The following TENT4A variants were observed in gnomAD, a reference collection of about 807,000 sequenced individuals.
The protein encoded by TENT4A is terminal nucleotidyltransferase 4A, also known as DNA polymerase kappa.
In TENT4A, 7 loss-of-function variants were observed where a neutral mutation model predicts 72.8. The ratio of observed to expected loss-of-function variants is 0.10; its 90% confidence interval spans 0.05 to 0.18. TENT4A has a LOEUF of 0.18. TENT4A is among the 10% of genes least tolerant of loss of function. The pLI is 1.00. For missense variants in TENT4A, 831 were observed against 1,017.7 expected (o/e 0.82, Z 2.50); for synonymous variants, 456 against 434.3 (o/e 1.05, Z -0.62).
chr5:6,754,375 G>A (rs550764122), intron 12 of TENT4A, among the ~76,000 whole-genome samples: 85 of 152,262 alleles, frequency 5.6e-4, no homozygotes, highest in African/African-American at 1.9e-3. Flanking sequence ...CACCATGTTG[G>A]TCAGGCTGGT....
chr5:6,721,231 T>A (rs1408629214), intron 1 of TENT4A, among the ~76,000 whole-genome samples: 1 of 152,176 alleles, frequency 6.6e-6, no homozygotes, highest in Non-Finnish European at 1.5e-5. Flanking sequence ...ATCTGCCAAC[T>A]CAGGAGAGCA....
At position 6,756,844 on chromosome 5, in the gene TENT4A, A is replaced by G. The variant is rs1476578727; in HGVS notation, c.*1899A>G. The G allele has an allele frequency of 1.3e-5, 2 of 152,578 alleles. No individual in the cohort carries two copies. The highest frequency in any genetic ancestry group is 2.9e-5 in the Non-Finnish European group (2 of 68,026). 9.5% of individuals were successfully genotyped at this position (152,578 alleles called of 1,614,324 possible). A position where few individuals can be genotyped will look rare whatever the true frequency, so the allele number is the denominator to read the frequency against. On this transcript the variant is annotated 3_prime_UTR_variant, in exon 13 of 13. Transcript: ENST00000230859. ...GTGCATTTTAAAACTCGATTCATAGACACAGGTACCATGTTCCATTTCCGT... is the reference window on the plus strand; with the variant it reads ...GTGCATTTTAAAACTCGATTCATAGGCACAGGTACCATGTTCCATTTCCGT...
At chr5:6,714,809 G>A in intron 1 of TENT4A, 110 bp downstream of exon 1, 1 of 495,786 alleles carries the variant, frequency 2.0e-6, no homozygotes, top group Non-Finnish European at 3.0e-6. Flanking sequence ...GATGGATGTT[G>A]AAGGCTAAGG....
intron 11 of TENT4A, 38 bp downstream of exon 11, chr5:6,751,235 C>T (rs929553633): frequency 6.2e-7 from 1 of 1,608,448 alleles, no homozygotes; most frequent in Non-Finnish European, 8.5e-7. Context: ...CTGGTGGCCC[C>T]TGGGAACAGC....
At chr5:6,734,862 C>T (rs1055965840) in intron 1 of TENT4A, among the ~76,000 whole-genome samples, 1 of 152,234 alleles carries the variant, frequency 6.6e-6, no homozygotes, top group African/African-American at 2.4e-5. Flanking sequence ...AGGGAACAGA[C>T]ATTTGACAAA....
intron 7 of TENT4A, 30 bp from the exon 8 acceptor site, chr5:6,748,434 G>A (rs770941116): frequency 2.4e-5 from 38 of 1,611,884 alleles, no homozygotes; most frequent in Non-Finnish European, 3.1e-5. Context: ...GTGCATGTGG[G>A]GAGGGTCTGA....
rs945529867 is a variant in TENT4A at position 6,713,785 on chromosome 5, C to CCGA, written c.-198_-197insGAC. 2.7e-5 allele frequency: 4 copies of CCGA among 146,986 alleles called. No individual in the cohort carries two copies. The highest frequency in any genetic ancestry group is 2.0e-4 in the Admixed American group (3 of 14,706). The allele number at this position is 146,986 out of a possible 1,614,324, so 9.1% of individuals were successfully genotyped here. A position where few individuals can be genotyped will look rare whatever the true frequency, so the allele number is the denominator to read the frequency against. On this transcript the variant is annotated 5_prime_UTR_variant, in exon 1 of 13. Transcript: ENST00000230859. ...CCGGGGCCCATCACCGCCGCCGCCG[C>CCGA]CCCACGCCGGAGCCCGACGGGAGCG...
chr5:6,728,033 A>G (rs1192944820), intron 1 of TENT4A, among the ~76,000 whole-genome samples: 3 of 152,104 alleles, frequency 2.0e-5, no homozygotes, highest in East Asian at 3.9e-4. Context: ...AGCCTTTTGT[A>G]TAGTCCTTTC....
intron 1 of TENT4A, among the ~76,000 whole-genome samples, chr5:6,732,834 C>G (rs939008251): frequency 1.3e-5 from 2 of 152,088 alleles, no homozygotes; most frequent in Non-Finnish European, 2.9e-5. Flanking sequence ...GGAAGCTGAC[C>G]CTGCTCTCTG....
At chr5:6,754,162 G>A (rs187340730) in intron 12 of TENT4A, among the ~76,000 whole-genome samples, 1 of 152,216 alleles carries the variant, frequency 6.6e-6, no homozygotes, top group East Asian at 1.9e-4. Flanking sequence ...AACATGACAG[G>A]GACCTTCTTA....
At position 6,739,863 on chromosome 5, in the gene TENT4A, G is replaced by A; in HGVS notation, c.1008+11G>A. On this transcript the variant is annotated intron_variant, in intron 4 of 12. Coordinates refer to ENST00000230859, the MANE Select transcript of TENT4A (RefSeq NM_006999.6). ...CTTGACAAGGCTACGGTGAGTGCCT[G>A]GCTTTGGCCCCTCTGACCGGGCAGG... 6.2e-7 allele frequency: 1 copy of A among 1,611,476 alleles called. No homozygotes were observed. Among genetic ancestry groups the A allele is most frequent in the Non-Finnish European group, 8.5e-7 (1 of 1,177,672 alleles).
chr5:6,752,737 A>G, intron 11 of TENT4A, 136 bp from the exon 12 acceptor site: 2 of 668,986 alleles, frequency 3.0e-6, no homozygotes, highest in Admixed American at 2.9e-5. Flanking sequence ...AGGTAATAGT[A>G]AAACAGACTG....
At chr5:6,732,932 T>G (rs903804885) in intron 1 of TENT4A, among the ~76,000 whole-genome samples, 3 of 152,186 alleles carry the variant, frequency 2.0e-5, no homozygotes, top group Non-Finnish European at 4.4e-5. Flanking sequence ...CCTACTTCTT[T>G]TCTACACCAC....
At chr5:6,754,646 C>T (rs1388574194) in intron 12 of TENT4A, 105 bp from the exon 13 acceptor site, 2 of 807,854 alleles carry the variant, frequency 2.5e-6, no homozygotes, top group Non-Finnish European at 3.7e-6. Context: ...TCCATCCCTG[C>T]TCTCTATGTA....
At chr5:6,749,718 GTC>G (rs1415359036) in intron 9 of TENT4A, 61 bp downstream of exon 9, 15 of 1,080,124 alleles carry the variant, frequency 1.4e-5, no homozygotes, top group Admixed American at 6.9e-5. Flanking sequence ...ATGCAGAAGT[GTC>G]TCTATTCCTT....
Position 6,713,893 on chromosome 5 carries a change from C to A in TENT4A, c.-91C>A. 2 of 344,360 alleles carry A rather than the reference C, an allele frequency of 5.8e-6. No individual in the cohort carries two copies. Among genetic ancestry groups the A allele is most frequent in the Non-Finnish European group, 8.1e-6 (2 of 247,108 alleles). 21.3% of individuals were successfully genotyped at this position (344,360 alleles called of 1,614,324 possible). On this transcript the variant is annotated 5_prime_UTR_variant, in exon 1 of 13. Transcript: ENST00000230859. ...CACCGGCCCAGGCCCGTCCGTCCGT[C>A]CGTGCGCGCGCGGCCGGGCCTCGGG...
chr5:6,728,688 T>C (rs531007663), intron 1 of TENT4A, among the ~76,000 whole-genome samples: 66 of 152,362 alleles, frequency 4.3e-4, no homozygotes, highest in African/African-American at 1.6e-3. Flanking sequence ...AGGGAGCCCC[T>C]GCTGGTGTGA....
chr5:6,751,939 G>A (rs747684303), intron 11 of TENT4A, among the ~76,000 whole-genome samples: 42 of 152,156 alleles, frequency 2.8e-4, no homozygotes, highest in Non-Finnish European at 4.1e-4. Context: ...TGATTCTGGC[G>A]GAGCTTCTGG....
chr5:6,722,322 T>G (rs892084392), intron 1 of TENT4A, among the ~76,000 whole-genome samples: 1 of 152,182 alleles, frequency 6.6e-6, no homozygotes, highest in African/African-American at 2.4e-5. Context: ...AAACCAAAAA[T>G]TAAGTCCTTC....
Sources: allele counts gnomAD v4.1 joint callset (sites outside exome capture counted in the v4.1 genomes callset), GRCh38; gene constraint gnomAD v4.1.1; transcripts MANE v1.5; gene names NCBI Gene and HGNC (gene_info 2026-07-23, HGNC 2026-07-21).